Variants in PTPRJ observed in about 807,000 individuals in gnomAD.
The protein encoded by PTPRJ is protein tyrosine phosphatase receptor type J.
Under a neutral mutation model 141.3 loss-of-function variants are expected in PTPRJ, and 129 were observed. The observed-to-expected ratio is 0.91, with a 90% CI of 0.79 to 1.06. The LOEUF is 1.06. Among genes scored for constraint, PTPRJ ranks in the 50% least tolerant of loss-of-function variants. The pLI, the probability that PTPRJ is intolerant of heterozygous loss-of-function variation, is 0.00. For missense variants in PTPRJ, 1,601 were observed against 1,679.7 expected (o/e 0.95, Z 0.82); for synonymous variants, 610 against 640.5 (o/e 0.95, Z 0.72).
At chr11:47,992,884 A>T (rs1168760655) in intron 1 of PTPRJ, among the ~76,000 whole-genome samples, 1 of 152,182 alleles carries the variant, frequency 6.6e-6, no homozygotes, top group Non-Finnish European at 1.5e-5. Context: ...TAAATTGCAT[A>T]TAAAATGAAT....
intron 7 of PTPRJ, among the ~76,000 whole-genome samples, chr11:48,130,051 G>A (rs767282227): frequency 1.3e-5 from 2 of 151,448 alleles, no homozygotes; most frequent in Non-Finnish European, 2.9e-5. Context: ...AAGGGAAAAT[G>A]GGGGAATGGA....
chr11:48,066,155 C>T (rs778470525), intron 1 of PTPRJ, among the ~76,000 whole-genome samples: 1 of 151,828 alleles, frequency 6.6e-6, no homozygotes, highest in African/African-American at 2.4e-5. Context: ...CAAAACAAAG[C>T]AATAACAAAA....
intron 24 of PTPRJ, among the ~76,000 whole-genome samples, chr11:48,166,745 C>T (rs555100713): frequency 4.6e-5 from 7 of 152,102 alleles, no homozygotes; most frequent in Non-Finnish European, 1.0e-4. Context: ...TTCTGATATA[C>T]CTACCTGAAG....
intron 1 of PTPRJ, among the ~76,000 whole-genome samples, chr11:48,043,601 A>G (rs1356642316): frequency 6.6e-6 from 1 of 152,216 alleles, no homozygotes; most frequent in Non-Finnish European, 1.5e-5. Flanking sequence ...AAAGCAGAAG[A>G]GGGAAGGAAA....
intron 1 of PTPRJ, among the ~76,000 whole-genome samples, chr11:48,091,548 A>C (rs952617791): frequency 6.6e-6 from 1 of 152,212 alleles, no homozygotes. Context: ...TGATCTTACA[A>C]TTACTGTCTG....
At chr11:48,100,737 C>T (rs987186494) in intron 1 of PTPRJ, among the ~76,000 whole-genome samples, 4 of 152,106 alleles carry the variant, frequency 2.6e-5, no homozygotes, top group Non-Finnish European at 5.9e-5. Context: ...AAAAAATTAG[C>T]TGGGTGTAGT....
intron 1 of PTPRJ, among the ~76,000 whole-genome samples, chr11:47,994,970 A>G (rs1272842921): frequency 1.3e-5 from 2 of 152,292 alleles, no homozygotes; most frequent in East Asian, 1.9e-4. Context: ...ATGTATGGCA[A>G]TCTGTGAAGG....
rs1307847262 is a variant in PTPRJ at position 48,139,740 on chromosome 11, G to C, written c.2407G>C (p.Ala803Pro). 3 of 1,614,150 alleles carry C rather than the reference G, an allele frequency of 1.9e-6. No homozygotes were observed. The highest frequency in any genetic ancestry group is 1.7e-4 in the Middle Eastern group (1 of 6,044). The change falls in exon 11 of 25, where the codon GCC (alanine) becomes CCC (proline). Residue 803 changes from alanine to proline, a missense_variant. Transcript: ENST00000418331. ...ITTVSCGKMA[A>P]PTRNTCTTGI... Reference sequence around the variant, plus strand: ...CACTGTGTCCTGTGGAAAGATGGCAGCCCCCACCCGGAACACCTGCACTAC... The same window carrying C: ...CACTGTGTCCTGTGGAAAGATGGCACCCCCCACCCGGAACACCTGCACTAC...
chr11:48,166,961 G>A (rs1182161458), intron 24 of PTPRJ, among the ~76,000 whole-genome samples: 1 of 152,136 alleles, frequency 6.6e-6, no homozygotes, highest in Non-Finnish European at 1.5e-5. Flanking sequence ...TTTCCTTGGG[G>A]AGGGGAGGTG....
At chr11:48,166,152 C>T (rs865922748) in intron 24 of PTPRJ, among the ~76,000 whole-genome samples, 4 of 151,902 alleles carry the variant, frequency 2.6e-5, no homozygotes, top group African/African-American at 4.8e-5. Context: ...TGTGAGCCAC[C>T]GTGCCTGGCC....
intron 15 of PTPRJ, among the ~76,000 whole-genome samples, chr11:48,149,180 A>C (rs1320822032): frequency 1.3e-5 from 2 of 152,236 alleles, no homozygotes; most frequent in East Asian, 3.8e-4. Context: ...TTTGCAAGGA[A>C]GTTCTTAAAA....
intron 15 of PTPRJ, among the ~76,000 whole-genome samples, chr11:48,149,075 G>C (rs1405353777): frequency 6.6e-6 from 1 of 152,062 alleles, no homozygotes; most frequent in African/African-American, 2.4e-5. Flanking sequence ...TATGTTTTTT[G>C]GTTTATTGCA....
chr11:48,074,634 A>G (rs1048428493), intron 1 of PTPRJ, among the ~76,000 whole-genome samples: 3 of 152,188 alleles, frequency 2.0e-5, no homozygotes, highest in African/African-American at 7.2e-5. Flanking sequence ...AAAAAAGTCA[A>G]TTATTGTACT....
At chr11:48,140,409 C>T (rs893376991) in intron 11 of PTPRJ, among the ~76,000 whole-genome samples, 2 of 152,284 alleles carry the variant, frequency 1.3e-5, no homozygotes, top group South Asian at 2.1e-4. Context: ...GACAGGGCCC[C>T]TGGAGCATAG....
At chr11:48,040,962 C>T (rs1055195666) in intron 1 of PTPRJ, among the ~76,000 whole-genome samples, 1 of 152,032 alleles carries the variant, frequency 6.6e-6, no homozygotes, top group African/African-American at 2.4e-5. Flanking sequence ...TGCACATGTG[C>T]ACTGCCCTCT....
chr11:48,098,223 A>G (rs961150948), intron 1 of PTPRJ, among the ~76,000 whole-genome samples: 14 of 152,198 alleles, frequency 9.2e-5, no homozygotes, highest in Non-Finnish European at 1.6e-4. Context: ...TCCACTCACT[A>G]GCCTGTTCCC....
Position 48,167,270 on chromosome 11 carries a change from G to A in PTPRJ, c.3922G>A (p.Asp1308Asn). The A allele has an allele frequency of 6.2e-7, 1 of 1,612,998 alleles. No homozygotes were observed. Among genetic ancestry groups the A allele is most frequent in the Non-Finnish European group, 8.5e-7 (1 of 1,179,044 alleles). The change falls in exon 25 of 25, where the codon GAT (aspartate) becomes AAT (asparagine). Residue 1308 changes from aspartate (D) to asparagine (N), a missense_variant. By Grantham distance (23) the Asp-to-Asn change is conservative. Transcript: ENST00000418331. ...CAGATCCCAGAAAGACTCAAAAGTA[G>A]ATCTTATCTACCAGAACACAACTGC... ...IVRSQKDSKV[D>N]LIYQNTTAMT...
intron 1 of PTPRJ, among the ~76,000 whole-genome samples, chr11:48,050,981 A>G (rs1854550990): frequency 2.0e-5 from 3 of 151,696 alleles, no homozygotes; most frequent in Non-Finnish European, 4.4e-5. Flanking sequence ...CAGTTTTGGT[A>G]ACCCTAACAG....
chr11:48,067,667 T>C (rs941040664), intron 1 of PTPRJ, among the ~76,000 whole-genome samples: 4 of 152,140 alleles, frequency 2.6e-5, no homozygotes, highest in Non-Finnish European at 4.4e-5. Context: ...GCAAGGAGAA[T>C]AGAAGTTCCC....
Sources: allele counts gnomAD v4.1 joint callset (sites outside exome capture counted in the v4.1 genomes callset), GRCh38; gene constraint gnomAD v4.1.1; transcripts MANE v1.5; gene names NCBI Gene and HGNC (gene_info 2026-07-23, HGNC 2026-07-21).